Variants in KLHL1 observed in about 807,000 individuals in gnomAD.
The protein encoded by KLHL1 is kelch like family member 1.
KLHL1 carries 47 observed loss-of-function variants against 77.7 expected under a neutral mutation model. That is an observed-to-expected ratio of 0.60 (90% CI 0.48 to 0.77). The LOEUF (loss-of-function observed/expected upper bound fraction) is 0.77, where lower values mean the gene tolerates loss of function less well. KLHL1 is among the 30% of genes least tolerant of loss of function. The pLI is 0.00. For missense variants in KLHL1, 925 were observed against 910.8 expected (o/e 1.02, Z -0.20); for synonymous variants, 360 against 325.2 (o/e 1.11, Z -1.15).
At chr13:69,994,407 C>G (rs1215787731) in intron 1 of KLHL1, among the ~76,000 whole-genome samples, 1 of 152,122 alleles carries the variant, frequency 6.6e-6, no homozygotes, top group Non-Finnish European at 1.5e-5. Flanking sequence ...AAGCTAATCT[C>G]TTCAAAACCC....
chr13:69,754,548 A>C (rs923196731), intron 7 of KLHL1, among the ~76,000 whole-genome samples: 4 of 152,088 alleles, frequency 2.6e-5, no homozygotes, highest in Admixed American at 2.6e-4. Flanking sequence ...TTACTTTCCA[A>C]CTGGATTGTA....
intron 1 of KLHL1, among the ~76,000 whole-genome samples, chr13:70,077,727 T>C (rs1887298458): frequency 6.6e-6 from 1 of 151,994 alleles, no homozygotes. Flanking sequence ...TTCTTAAATT[T>C]TCTGTAAAAA....
rs148977362 is a variant in KLHL1, at chr13:69,714,180, A to C, written c.2015+5189T>G. On this transcript the variant is annotated intron_variant, in intron 9 of 10. Transcript: ENST00000377844. ...GTTGTTCATTTTCAATGCAAAAAAA[A>C]TTTTAAAGTTAATTTGATTTCAACT... Among the ~76,000 whole-genome samples, 1,342 of 152,270 alleles carry C rather than the reference A, an allele frequency of 8.8e-3. 21 individuals carry two copies. Among genetic ancestry groups the C allele is most frequent in the African/African-American group, 0.031 (1,285 of 41,556 alleles).
In KLHL1 at chr13:70,107,673, G is replaced by A. The variant is rs1888107030; in HGVS notation, c.27C>T (p.Phe9=). The A allele has an allele frequency of 6.5e-7, 1 of 1,534,126 alleles. No individual in the cohort carries two copies. Among genetic ancestry groups the A allele is most frequent in the Admixed American group, 2.1e-5 (1 of 47,028 alleles). ...GGAGTCGCAGAATGTGCTTCACATC[G>A]AAGTCTTTTCGCCCAGAGCCTGACA... is the stretch of plus-strand genomic sequence containing the variant. MSGSGRKD[F]DVKHILRLRW... The change falls in exon 1 of 11, where the codon TTC becomes TTT. Residue 9 remains phenylalanine (F), a synonymous_variant. Coordinates refer to ENST00000377844, the MANE Select transcript of KLHL1 (RefSeq NM_020866.3).
At chr13:70,089,928 A>G (rs1887633909) in intron 1 of KLHL1, among the ~76,000 whole-genome samples, 1 of 152,128 alleles carries the variant, frequency 6.6e-6, no homozygotes, top group Admixed American at 6.6e-5. Flanking sequence ...TATTACATTA[A>G]AGTAACCAAA....
chr13:69,896,308 C>T (rs554770542), intron 4 of KLHL1, among the ~76,000 whole-genome samples: 1 of 152,254 alleles, frequency 6.6e-6, no homozygotes, highest in South Asian at 2.1e-4. Context: ...CAGACTCATG[C>T]CGCTACACTT....
intron 5 of KLHL1, among the ~76,000 whole-genome samples, chr13:69,868,848 C>T (rs1880471305): frequency 6.6e-6 from 1 of 152,036 alleles, no homozygotes; most frequent in African/African-American, 2.4e-5. Flanking sequence ...ATACAGTCTA[C>T]TTTAATTCTC....
chr13:69,789,854 C>T (rs1318869599), intron 7 of KLHL1, among the ~76,000 whole-genome samples: 1 of 150,900 alleles, frequency 6.6e-6, no homozygotes, highest in Non-Finnish European at 1.5e-5. Flanking sequence ...ATTTGTTTTG[C>T]ATTGTCAAAG....
At chr13:69,965,743 G>A (rs1304704141) in intron 2 of KLHL1, among the ~76,000 whole-genome samples, 2 of 152,114 alleles carry the variant, frequency 1.3e-5, no homozygotes, top group African/African-American at 4.8e-5. Flanking sequence ...TGCTACTCTA[G>A]TGAACACTCA....
intron 7 of KLHL1, among the ~76,000 whole-genome samples, chr13:69,750,261 T>C (rs1263666104): frequency 6.6e-6 from 1 of 151,728 alleles, no homozygotes; most frequent in Non-Finnish European, 1.5e-5. Context: ...GTGTATAAAG[T>C]ATCACCCAGT....
chr13:69,917,449 A>G (rs1463870736), intron 4 of KLHL1, among the ~76,000 whole-genome samples: 1 of 152,106 alleles, frequency 6.6e-6, no homozygotes, highest in Non-Finnish European at 1.5e-5. Flanking sequence ...AGAATTAAGA[A>G]AACCCCCGTC....
chr13:69,710,546 T>G (rs1042957162), intron 9 of KLHL1, among the ~76,000 whole-genome samples: 1 of 152,050 alleles, frequency 6.6e-6, no homozygotes, highest in Non-Finnish European at 1.5e-5. Context: ...TCACACAGAT[T>G]TAAAATCTCC....
intron 4 of KLHL1, among the ~76,000 whole-genome samples, chr13:69,923,186 C>A (rs946688918): frequency 2.6e-5 from 4 of 152,026 alleles, no homozygotes; most frequent in Non-Finnish European, 4.4e-5. Flanking sequence ...AAGACTGTTC[C>A]CAAATTCAAG....
chr13:69,840,848 TTTATAA>T (rs1459525011), intron 5 of KLHL1, among the ~76,000 whole-genome samples: 9 of 151,672 alleles, frequency 5.9e-5, no homozygotes, highest in African/African-American at 1.9e-4. Flanking sequence ...GTTCATAAAC[TTTATAA>T]TTATGTTTCT....
intron 7 of KLHL1, among the ~76,000 whole-genome samples, chr13:69,787,782 A>G (rs987765661): frequency 2.6e-5 from 4 of 152,198 alleles, no homozygotes; most frequent in African/African-American, 9.7e-5. Context: ...GCTAATATCC[A>G]GAATCTACAA....
intron 1 of KLHL1, among the ~76,000 whole-genome samples, chr13:69,981,831 A>C (rs1884719352): frequency 6.6e-6 from 1 of 152,218 alleles, no homozygotes; most frequent in African/African-American, 2.4e-5. Context: ...GAATTCTTCA[A>C]ACCAAAAGAA....
At chr13:69,834,103 G>T (rs80150855) in intron 6 of KLHL1, among the ~76,000 whole-genome samples, 2,814 of 151,912 alleles carry the variant, frequency 0.019, 96 homozygotes, top group African/African-American at 0.063. Flanking sequence ...AAAGAGTGGA[G>T]GTTGAGGGAC....
chr13:69,900,922 C>T (rs1881831718), intron 4 of KLHL1, among the ~76,000 whole-genome samples: 1 of 152,116 alleles, frequency 6.6e-6, no homozygotes, highest in Non-Finnish European at 1.5e-5. Context: ...TTTCCTGTTC[C>T]CCCTCAAATT....
chr13:69,828,446 G>C (rs1043234328), intron 6 of KLHL1, among the ~76,000 whole-genome samples: 1 of 150,186 alleles, frequency 6.7e-6, no homozygotes, highest in African/African-American at 2.5e-5. Context: ...GGGGAGGGAA[G>C]CCAGTGGAAT....
Sources: gnomAD v4.1 joint callset for allele counts (sites outside exome capture counted in the v4.1 genomes callset) on GRCh38, gnomAD v4.1.1 for gene constraint, MANE v1.5 for transcripts, NCBI Gene and HGNC (gene_info 2026-07-23, HGNC 2026-07-21) for gene names.